The following TENM4 variants were observed in gnomAD, a reference collection of about 807,000 sequenced individuals.
TENM4 encodes teneurin transmembrane protein 4.
Under a neutral mutation model 243.3 loss-of-function variants are expected in TENM4, and 82 were observed. The ratio of observed to expected loss-of-function variants is 0.34; its 90% confidence interval spans 0.28 to 0.40. The LOEUF is 0.40. Among genes scored for constraint, TENM4 ranks in the 10% least tolerant of loss-of-function variants. TENM4 has a pLI of 1.00. For synonymous variants in TENM4, 1,412 were observed against 1,456.3 expected (o/e 0.97, Z 0.69); for missense variants, 3,138 against 3,673.3 (o/e 0.85, Z 3.77).
intron 6 of TENM4, among the ~76,000 whole-genome samples, chr11:78,906,965 A>G (rs1386250337): frequency 6.6e-6 from 1 of 152,192 alleles, no homozygotes; most frequent in African/African-American, 2.4e-5. Flanking sequence ...GCAAAAAATC[A>G]TAGTAGACCA....
intron 12 of TENM4, among the ~76,000 whole-genome samples, chr11:78,842,894 CCAGGTGTGATGGCT>C (rs1858294630): frequency 6.6e-6 from 1 of 152,186 alleles, no homozygotes. Flanking sequence ...TTTATGTAGG[CCAGGTGTGATGGCT>C]CATGCCTGTA....
intron 1 of TENM4, among the ~76,000 whole-genome samples, chr11:79,435,195 G>A (rs1374713581): frequency 1.3e-5 from 2 of 151,782 alleles, no homozygotes; most frequent in African/African-American, 4.8e-5. Context: ...TTGCTACAGT[G>A]AGCACATATT....
rs188608848 is a variant in TENM4 at position 79,109,519 on chromosome 11, G to A, written c.-66+39191C>T. ...GATAGAAGTGAGAGGCTGGTTCTGC[G>A]GTTGCCATGCAGGGGAGAGGGTTTT... On this transcript the variant is annotated intron_variant, in intron 4 of 33. Transcript: ENST00000278550. Among the ~76,000 whole-genome samples, 37 of 152,292 alleles carry A rather than the reference G, an allele frequency of 2.4e-4. No homozygotes were observed. In the East Asian group the frequency reaches 6.6e-3, roughly 27 times the overall value.
chr11:79,381,332 G>GAAA (rs113767852), intron 1 of TENM4, among the ~76,000 whole-genome samples: 1 of 143,608 alleles, frequency 7.0e-6, no homozygotes, highest in Non-Finnish European at 1.5e-5. Flanking sequence ...AAATGGCCTG[G>GAAA]AAAAAAAAAA....
At chr11:78,849,721 G>T (rs762567240) in intron 12 of TENM4, among the ~76,000 whole-genome samples, 6 of 152,174 alleles carry the variant, frequency 3.9e-5, no homozygotes, top group Non-Finnish European at 5.9e-5. Context: ...GCAAATTCAT[G>T]TCCTAACTTT....
chr11:78,741,079 T>A (rs749651970), intron 19 of TENM4, among the ~76,000 whole-genome samples: 33 of 152,228 alleles, frequency 2.2e-4, no homozygotes, highest in Non-Finnish European at 3.8e-4. Flanking sequence ...TCTGTTTTCA[T>A]GATTTTCACT....
chr11:79,341,156 C>A (rs889180865), intron 1 of TENM4, among the ~76,000 whole-genome samples: 2 of 152,138 alleles, frequency 1.3e-5, no homozygotes, highest in Non-Finnish European at 2.9e-5. Context: ...GCCCTGCCAA[C>A]GCCTTTACCC....
chr11:79,138,937 TA>T (rs1483471895), intron 4 of TENM4, among the ~76,000 whole-genome samples: 61 of 58,760 alleles, frequency 1.0e-3, no homozygotes, highest in African/African-American at 4.2e-3. Flanking sequence ...CATAAATATA[TA>T]AAATATATAT....
chr11:78,963,193 C>T (rs996428627), intron 6 of TENM4, among the ~76,000 whole-genome samples: 4 of 152,154 alleles, frequency 2.6e-5, no homozygotes, highest in African/African-American at 9.7e-5. Flanking sequence ...TCTGTGAGTT[C>T]CAAGATGTTG....
rs530001278 is a variant in TENM4, at chr11:78,862,262, T to G, written c.1255+700A>C. On this transcript the variant is annotated intron_variant, in intron 10 of 33. Transcript: ENST00000278550. ...ATCCCAGACTCTACCATTTACTGGCTGTGTGACTCTGGCCAAATCACTTAA... is the reference window on the plus strand; with the variant it reads ...ATCCCAGACTCTACCATTTACTGGCGGTGTGACTCTGGCCAAATCACTTAA... Among the ~76,000 whole-genome samples the G allele has an allele frequency of 2.0e-3, 297 of 152,276 alleles. 1 individual carries two copies. Among genetic ancestry groups the G allele is most frequent in the African/African-American group, 6.9e-3 (285 of 41,570 alleles).
chr11:79,234,801 G>A (rs540950446), intron 2 of TENM4, among the ~76,000 whole-genome samples: 286 of 152,338 alleles, frequency 1.9e-3, no homozygotes, highest in African/African-American at 6.7e-3. Context: ...AAAAGAAACA[G>A]TGTACCCATG....
chr11:78,930,412 G>A (rs1856642476), intron 6 of TENM4, among the ~76,000 whole-genome samples: 2 of 152,176 alleles, frequency 1.3e-5, no homozygotes, highest in South Asian at 4.1e-4. Flanking sequence ...AGTAAAAAGG[G>A]AAAGGAACTT....
At chr11:78,889,388 C>T (rs683051) in intron 9 of TENM4, among the ~76,000 whole-genome samples, 43,546 of 152,144 alleles carry the variant, frequency 0.29, 6,738 homozygotes, top group African/African-American at 0.39. Flanking sequence ...GCCACACAGT[C>T]CCAACAGGAG....
chr11:78,956,424 T>G (rs1467881897), intron 6 of TENM4, among the ~76,000 whole-genome samples: 1 of 152,204 alleles, frequency 6.6e-6, no homozygotes, highest in Non-Finnish European at 1.5e-5. Flanking sequence ...TCTTTCCTGC[T>G]GAATTTCCAG....
intron 4 of TENM4, among the ~76,000 whole-genome samples, chr11:79,070,802 T>G (rs1860395229): frequency 6.6e-6 from 1 of 152,228 alleles, no homozygotes; most frequent in Non-Finnish European, 1.5e-5. Context: ...AAGCCAGGAT[T>G]GGAACTCTGA....
intron 10 of TENM4, among the ~76,000 whole-genome samples, chr11:78,862,033 G>C (rs1480704270): frequency 6.6e-6 from 1 of 152,190 alleles, no homozygotes; most frequent in Non-Finnish European, 1.5e-5. Context: ...AAGACATTGA[G>C]AACATGGGCC....
intron 7 of TENM4, among the ~76,000 whole-genome samples, chr11:78,901,412 T>C (rs762691247): frequency 5.0e-4 from 76 of 152,118 alleles, no homozygotes; most frequent in Non-Finnish European, 8.7e-4. Flanking sequence ...TGTGGGAAGA[T>C]AGAACATCAG....
At chr11:79,363,887 T>C (rs1857631741) in intron 1 of TENM4, among the ~76,000 whole-genome samples, 1 of 152,226 alleles carries the variant, frequency 6.6e-6, no homozygotes, top group African/African-American at 2.4e-5. Flanking sequence ...ATTTCCTTCC[T>C]TTATTGTTTC....
chr11:79,016,065 G>A (rs1185486639), intron 6 of TENM4, among the ~76,000 whole-genome samples: 1 of 152,212 alleles, frequency 6.6e-6, no homozygotes, highest in African/African-American at 2.4e-5. Context: ...AGAAGGGTAG[G>A]AAGTGAGCTA....
Sources: allele counts gnomAD v4.1 joint callset (sites outside exome capture counted in the v4.1 genomes callset), GRCh38; gene constraint gnomAD v4.1.1; transcripts MANE v1.5; gene names NCBI Gene and HGNC (gene_info 2026-07-23, HGNC 2026-07-21).